Variants in MAST4 observed in about 807,000 individuals in gnomAD.
MAST4 encodes microtubule-associated serine/threonine-protein kinase 4.
A neutral mutation model predicts 162.7 loss-of-function variants in MAST4; 89 were observed. The ratio of observed to expected loss-of-function variants is 0.55; its 90% CI spans 0.46 to 0.65. MAST4 has a LOEUF of 0.65. Ranked by LOEUF, MAST4 falls within the 30% of genes least tolerant of loss-of-function variation. The pLI is 0.00. For missense variants in MAST4, 3,153 were observed against 3,374.0 expected (o/e 0.93, Z 1.62); for synonymous variants, 1,479 against 1,361.1 (o/e 1.09, Z -1.91).
chr5:66,700,012 G>A (rs193185304), intron 1 of MAST4, among the ~76,000 whole-genome samples: 1 of 131,602 alleles, frequency 7.6e-6, no homozygotes, highest in Admixed American at 8.3e-5. Flanking sequence ...GTGCAGCTGT[G>A]ATTGTGAAAC....
At chr5:66,824,522 C>G (rs1757149577) in intron 3 of MAST4, among the ~76,000 whole-genome samples, 1 of 152,216 alleles carries the variant, frequency 6.6e-6, no homozygotes, top group East Asian at 1.9e-4. Flanking sequence ...TCAAATGTTC[C>G]TCACAGCAGT....
chr5:67,078,174 T>C (rs1317081949), intron 5 of MAST4, among the ~76,000 whole-genome samples: 3 of 152,024 alleles, frequency 2.0e-5, no homozygotes, highest in African/African-American at 7.2e-5. Flanking sequence ...AAGAAGGCCT[T>C]TCCAAACAGA....
At chr5:67,039,261 G>A (rs1756422829) in intron 4 of MAST4, among the ~76,000 whole-genome samples, 1 of 152,186 alleles carries the variant, frequency 6.6e-6, no homozygotes, top group South Asian at 2.1e-4. Flanking sequence ...GTCTTGATAT[G>A]CAGTTTAATT....
rs747719681 is a variant in MAST4, at chr5:66,741,855, C to G, written c.364-17854C>G. Reference sequence around the variant, plus strand: ...GTCTCCTAAATCAGAGCTGTTCTTTCATTTCTTGTGAACTGATTTTTGTTA... The same window carrying G: ...GTCTCCTAAATCAGAGCTGTTCTTTGATTTCTTGTGAACTGATTTTTGTTA... On this transcript the variant is annotated intron_variant, in intron 1 of 28. Transcript: ENST00000403625. Among the ~76,000 whole-genome samples, 26 of 152,162 alleles carry G rather than the reference C, an allele frequency of 1.7e-4. 1 individual carries two copies. Among genetic ancestry groups the G allele is most frequent in the Admixed American group, 2.6e-4 (4 of 15,282 alleles).
chr5:67,144,620 C>A, intron 21 of MAST4, 49 bp from the exon 22 acceptor site: 1 of 1,588,846 alleles, frequency 6.3e-7, no homozygotes, highest in African/African-American at 1.4e-5. Context: ...GTTTTTCTGA[C>A]AAACTCTTTT....
At chr5:66,780,861 C>T (rs1233995002) in intron 2 of MAST4, among the ~76,000 whole-genome samples, 1 of 152,132 alleles carries the variant, frequency 6.6e-6, no homozygotes, top group African/African-American at 2.4e-5. Flanking sequence ...TTTAGCTAGA[C>T]ACAGAGCGCT....
At chr5:67,117,388 T>C (rs1164400216) in intron 12 of MAST4, among the ~76,000 whole-genome samples, 3 of 152,202 alleles carry the variant, frequency 2.0e-5, no homozygotes, top group Non-Finnish European at 4.4e-5. Flanking sequence ...AATTTATACA[T>C]TTTTATCTAA....
At chr5:66,616,355 T>G (rs1375235302) in intron 1 of MAST4, among the ~76,000 whole-genome samples, 1 of 152,190 alleles carries the variant, frequency 6.6e-6, no homozygotes, top group Non-Finnish European at 1.5e-5. Flanking sequence ...ATTTTTTCCC[T>G]TAAATTTTAA....
chr5:67,114,045 T>A lies in MAST4; in HGVS notation c.1459-42T>A, dbSNP rs759037790. The A allele has an allele frequency of 2.4e-5, 38 of 1,610,362 alleles. No individual in the cohort carries two copies. The South Asian group carries it at 4.1e-4, about 17-fold the overall frequency. On this transcript the variant is annotated intron_variant, in intron 11 of 28. Coordinates refer to ENST00000403625, the MANE Select transcript of MAST4 (RefSeq NM_001164664.2). ...TTTATGTAATAAAACCTCAGACAATTTTGGCTCAAAGAAGTATCCATCTGT... is the reference window on the plus strand; with the variant it reads ...TTTATGTAATAAAACCTCAGACAATATTGGCTCAAAGAAGTATCCATCTGT...
At chr5:66,607,315 TA>T (rs1413045285) in intron 1 of MAST4, among the ~76,000 whole-genome samples, 1 of 152,230 alleles carries the variant, frequency 6.6e-6, no homozygotes, top group African/African-American at 2.4e-5. Context: ...AGGTTAGTGC[TA>T]AGACATAAAG....
chr5:66,609,177 C>CT (rs1171764060), intron 1 of MAST4, among the ~76,000 whole-genome samples: 1 of 150,990 alleles, frequency 6.6e-6, no homozygotes, highest in African/African-American at 2.4e-5. Context: ...GGCCACGTGT[C>CT]ACAAGTCTAT....
rs79751061 is a variant in MAST4, at chr5:66,611,083, C to T, written c.363+14065C>T. Among the ~76,000 whole-genome samples the T allele has an allele frequency of 3.7e-3, 568 of 152,290 alleles. 16 individuals are homozygous for T. In the South Asian group the frequency reaches 0.062, roughly 17 times the overall value. On this transcript the variant is annotated intron_variant, in intron 1 of 28. Transcript: ENST00000403625. Reference sequence around the variant, plus strand: ...CTAGAAATAGTTACAGCCAAGGGCCCTTTGTCCATAACATTTTTTTTCTTT... The same window carrying T: ...CTAGAAATAGTTACAGCCAAGGGCCTTTTGTCCATAACATTTTTTTTCTTT...
At chr5:66,989,981 C>G (rs1179541723) in intron 4 of MAST4, among the ~76,000 whole-genome samples, 1 of 152,106 alleles carries the variant, frequency 6.6e-6, no homozygotes, top group Non-Finnish European at 1.5e-5. Context: ...CCGGCAAGCC[C>G]TCACAGGTTT....
chr5:66,601,718 C>T (rs1420906984), intron 1 of MAST4, among the ~76,000 whole-genome samples: 1 of 152,104 alleles, frequency 6.6e-6, no homozygotes, highest in African/African-American at 2.4e-5. Flanking sequence ...CATCTCATGA[C>T]ATTTGATAGA....
chr5:66,697,325 C>T (rs1357709682), intron 1 of MAST4, among the ~76,000 whole-genome samples: 1 of 152,104 alleles, frequency 6.6e-6, no homozygotes, highest in Non-Finnish European at 1.5e-5. Context: ...TACGATGTTT[C>T]AAAATTATGC....
At chr5:67,115,037 C>T (rs950159834) in intron 12 of MAST4, 2 of 124,378 alleles carry the variant, frequency 1.6e-5, no homozygotes, top group African/African-American at 7.0e-5. Flanking sequence ...CAGAGTGAAA[C>T]TCCGACTCAA....
At chr5:67,047,590 A>G (rs1757536837) in intron 4 of MAST4, among the ~76,000 whole-genome samples, 1 of 152,152 alleles carries the variant, frequency 6.6e-6, no homozygotes, top group African/African-American at 2.4e-5. Flanking sequence ...AAATTTTACA[A>G]ATTTGTTATG....
chr5:66,671,325 G>A (rs1446116111), intron 1 of MAST4, among the ~76,000 whole-genome samples: 1 of 152,136 alleles, frequency 6.6e-6, no homozygotes, highest in African/African-American at 2.4e-5. Context: ...TTATCCTCCT[G>A]CTGTGTTTCC....
intron 4 of MAST4, among the ~76,000 whole-genome samples, chr5:67,027,174 T>G (rs1754749844): frequency 6.6e-6 from 1 of 152,234 alleles, no homozygotes; most frequent in South Asian, 2.1e-4. Context: ...AGTTTTATAC[T>G]TTAATGTTGT....
Sources: gnomAD v4.1 joint callset for allele counts (sites outside exome capture counted in the v4.1 genomes callset) on GRCh38, gnomAD v4.1.1 for gene constraint, MANE v1.5 for transcripts, NCBI Gene and HGNC (gene_info 2026-07-23, HGNC 2026-07-21) for gene names.